Variants in SRCAP observed in about 807,000 individuals in gnomAD.
SRCAP encodes the protein chromatin remodeling protein SRCAP.
In SRCAP, 46 loss-of-function variants were observed where a neutral mutation model predicts 263.1. The observed-to-expected ratio is 0.17, with a 90% confidence interval of 0.14 to 0.22. The LOEUF (loss-of-function observed/expected upper bound fraction) is 0.22, where lower values mean the gene tolerates loss of function less well. Ranked by LOEUF, SRCAP falls within the 10% of genes least tolerant of loss-of-function variation. The pLI, the probability that SRCAP is intolerant of heterozygous loss-of-function variation, is 1.00. For synonymous variants in SRCAP, 1,813 were observed against 1,662.1 expected (o/e 1.09, Z -2.21); for missense variants, 3,695 against 4,181.9 (o/e 0.88, Z 3.21).
chr16:30,705,746 G>A (rs749848205), intron 4 of SRCAP, among the ~76,000 whole-genome samples: 4 of 148,540 alleles, frequency 2.7e-5, no homozygotes, highest in Non-Finnish European at 4.4e-5. Context: ...TCAGTCTTTC[G>A]CTGAGGCTGG....
Position 30,736,342 on chromosome 16 carries a change from A to T in SRCAP, c.6872A>T (p.Glu2291Val). 6.2e-7 allele frequency: 1 copy of T among 1,614,072 alleles called. No homozygotes were observed. Among genetic ancestry groups the T allele is most frequent in the East Asian group, 2.2e-5 (1 of 44,884 alleles). Reference protein sequence around the residue: ...EGEEAGRPGAEDEEMSRAEQE... With the variant: ...EGEEAGRPGAVDEEMSRAEQE... The stretch of plus-strand genomic sequence containing the variant: ...GAGGAAGCTGGCCGGCCTGGGGCTG[A>T]GGATGAGGAGATGTCCCGGGCTGAG... The change falls in exon 32 of 34, where the codon GAG becomes GTG. Residue 2291 changes from glutamate to valine, a missense_variant. Physicochemically the swap from Glu to Val is moderately radical, Grantham distance 121. Coordinates refer to ENST00000262518, the MANE Select transcript of SRCAP (RefSeq NM_006662.3).
Position 30,725,060 on chromosome 16 carries a change from C to T in SRCAP, c.5636C>T (p.Pro1879Leu), listed in dbSNP as rs1370970865. 1 of 1,611,856 alleles carries T rather than the reference C, an allele frequency of 6.2e-7. No individual in the cohort carries two copies. Among genetic ancestry groups the T allele is most frequent in the Non-Finnish European group, 8.5e-7 (1 of 1,178,614 alleles). Residue 1879 changes from proline to leucine, a missense_variant, in exon 25 of 34, where the codon CCA becomes CTA. By Grantham distance (98) the Pro-to-Leu change is moderately conservative. This residue lies in a region of SRCAP where 1,347 missense variants were observed against 1,304.4 expected (regional missense o/e 1.03). Transcript: ENST00000262518. The stretch of plus-strand genomic sequence containing the variant: ...CGGCCTCGACGCCAGCCCCCCCCAC[C>T]ACCTCGTTCCCCTTTTTATCTGGTA... ...GPRPRRQPPPPPRSPFYLDSL... is the reference protein window; with the variant it reads ...GPRPRRQPPPLPRSPFYLDSL...
Position 30,709,667 on chromosome 16 carries a change from C to T in SRCAP, c.788C>T (p.Ser263Phe). Residue 263 changes from serine (S) to phenylalanine (F), a missense_variant, in exon 7 of 34, where the codon TCC (serine) becomes TTC (phenylalanine). This residue lies in a region of SRCAP where 44 missense variants were observed against 42.9 expected (regional missense o/e 1.03). Transcript: ENST00000262518. ...TTAACCTCCAGCAAAGCAGGCTCTT[C>T]CCCTTGCCTCGGCTCTTCCTCAGCT... ...QPLTSSKAGS[S>F]PCLGSSSAAS... 6.2e-7 allele frequency: 1 copy of T among 1,614,190 alleles called. No homozygotes were observed. The highest frequency in any genetic ancestry group is 8.5e-7 in the Non-Finnish European group (1 of 1,180,034).
At chr16:30,714,503 C>T (rs1290986715) in intron 16 of SRCAP, among the ~76,000 whole-genome samples, 4 of 15,562 alleles carry the variant, frequency 2.6e-4, no homozygotes, top group East Asian at 6.9e-3. Context: ...GCCACCGTGC[C>T]GGGCTTTTTT....
In SRCAP at chr16:30,738,746, T is replaced by G; in HGVS notation, c.8706T>G (p.Ile2902Met). Residue 2902 changes from isoleucine (I) to methionine (M), a missense_variant, in exon 34 of 34, where the codon ATT becomes ATG. Ile to Met is a conservative substitution (Grantham distance 10). Transcript: ENST00000262518. ...CAGTCCCTGGGCCTGAGACCCTAAT[T>G]GTTGCAGATCCTGTCCTGGAACCAC... Reference protein sequence around the residue: ...ADPVPGPETLIVADPVLEPQL... With the variant: ...ADPVPGPETLMVADPVLEPQL... 1 of 1,614,034 alleles carries G rather than the reference T, an allele frequency of 6.2e-7. No individual in the cohort carries two copies. The highest frequency in any genetic ancestry group is 8.5e-7 in the Non-Finnish European group (1 of 1,179,982).
Position 30,713,243 on chromosome 16 carries a change from C to A in SRCAP, c.2166C>A (p.Ile722=). The change falls in exon 15 of 34, where the codon ATC becomes ATA. Residue 722 remains isoleucine (I), a synonymous_variant. Transcript: ENST00000262518. ...AGCCCAATGCCTTTCATGTGTGTAT[C>A]ACATCTTACAAGCTGGTGCTGCAGG... is the stretch of plus-strand genomic sequence containing the variant. ...WTKPNAFHVC[I]TSYKLVLQDH... The A allele has an allele frequency of 1.9e-6, 3 of 1,614,098 alleles. No individual in the cohort carries two copies. The highest frequency in any genetic ancestry group is 2.5e-6 in the Non-Finnish European group (3 of 1,180,030).
chr16:30,726,432 A>T (rs1241371004), intron 25 of SRCAP, among the ~76,000 whole-genome samples: 1 of 152,190 alleles, frequency 6.6e-6, no homozygotes, highest in East Asian at 1.9e-4. Context: ...CTGTTTAAGG[A>T]ACTGCCAGAC....
chr16:30,727,693 A>AG (rs1299943145), intron 25 of SRCAP, among the ~76,000 whole-genome samples: 1 of 152,190 alleles, frequency 6.6e-6, no homozygotes, highest in Admixed American at 6.5e-5. Flanking sequence ...CTGGGACTAC[A>AG]GGCTTGCACC....
chr16:30,735,567 C>CTTTTTTT lies in SRCAP; in HGVS notation c.6730-617_6730-611dup, dbSNP rs10663863. Among the ~76,000 whole-genome samples the CTTTTTTT allele has an allele frequency of 1.6e-3, 113 of 69,544 alleles. 3 individuals carry two copies. Among genetic ancestry groups the CTTTTTTT allele is most frequent in the East Asian group, 2.7e-3 (6 of 2,254 alleles). 45.6% of individuals were successfully genotyped at this position (69,544 alleles called of 152,430 possible). On this transcript the variant is annotated intron_variant, in intron 31 of 33. Transcript: ENST00000262518. Reference sequence around the variant, plus strand: ...AAAATAATTGCAGTTTTTGACATTACTTTTTTTTTTTTTTTTTTTTTTGGA... The same window carrying CTTTTTTT: ...AAAATAATTGCAGTTTTTGACATTACTTTTTTTTTTTTTTTTTTTTTTTTTTTTTGGA...
chr16:30,722,965 C>T lies in SRCAP; in HGVS notation c.3895C>T (p.Pro1299Ser), dbSNP rs937587615. 3 of 1,604,310 alleles carry T rather than the reference C, an allele frequency of 1.9e-6. No individual in the cohort carries two copies. The highest frequency in any genetic ancestry group is 4.5e-5 in the East Asian group (2 of 44,594). ...LSLPLAANQV[P>S]PTMVNNTGVV... is the part of the protein sequence containing the mutation. ...CTCAGTGTAGCTTCCTCTTGCAGTG[C>T]CACCAACCATGGTGAATAATACAGG... Residue 1299 changes from proline to serine, a missense_variant and splice_region_variant, in exon 24 of 34, where the codon CCA becomes TCA. Transcript: ENST00000262518.
Position 30,722,956 on chromosome 16 carries a change from C to T in SRCAP, c.3893-7C>T. 6.2e-7 allele frequency: 1 copy of T among 1,602,542 alleles called. No homozygotes were observed. The highest frequency in any genetic ancestry group is 2.2e-5 in the East Asian group (1 of 44,564). ...TACCTTCCTCTCAGTGTAGCTTCCT[C>T]TTGCAGTGCCACCAACCATGGTGAA... On this transcript the variant is annotated splice_region_variant and splice_polypyrimidine_tract_variant and intron_variant, in intron 23 of 33. Coordinates refer to ENST00000262518, the MANE Select transcript of SRCAP (RefSeq NM_006662.3).
Position 30,704,082 on chromosome 16 carries a change from A to G in SRCAP, c.73A>G (p.Thr25Ala). ...TTTCTAGATGGTGTCGGACGGCATG[A>G]CAGGCAGCAATCCTGTGTCCCCTGC... ...LQTQMVSDGM[T>A]GSNPVSPASS... The change falls in exon 4 of 34, where the codon ACA (threonine) becomes GCA (alanine). Residue 25 changes from threonine (T) to alanine (A), a missense_variant. Thr to Ala is a moderately conservative substitution (Grantham distance 58). Around this residue, in one of 12 missense-constraint regions of SRCAP, gnomAD observed 122 missense variants for 116.9 expected, o/e 1.04. Transcript: ENST00000262518. The G allele has an allele frequency of 1.2e-6, 2 of 1,613,434 alleles. No individual in the cohort carries two copies. Among genetic ancestry groups the G allele is most frequent in the South Asian group, 1.1e-5 (1 of 90,994 alleles).
At position 30,720,722 on chromosome 16, in the gene SRCAP, G is replaced by A; in HGVS notation, c.2997G>A (p.Gln999=). The A allele has an allele frequency of 6.2e-7, 1 of 1,603,976 alleles. No homozygotes were observed. Among genetic ancestry groups the A allele is most frequent in the South Asian group, 1.1e-5 (1 of 90,204 alleles). The change falls in exon 20 of 34, where the codon CAG becomes CAA. Residue 999 remains glutamine, a synonymous_variant. Transcript: ENST00000262518. ...PVKMKVNRML[Q]PVPKQEGRTV... Reference sequence around the variant, plus strand: ...TAATTTTTTCTCACAGGATGCTGCAGCCAGTACCTAAGCAAGAAGGCCGGA... The same window carrying A: ...TAATTTTTTCTCACAGGATGCTGCAACCAGTACCTAAGCAAGAAGGCCGGA...
chr16:30,732,201 C>T (rs9928572), intron 27 of SRCAP, among the ~76,000 whole-genome samples: 85,198 of 151,736 alleles, frequency 0.56, 29,417 homozygotes, highest in East Asian at 0.89. Context: ...CCTGTAATCC[C>T]AGCACTTTGG....
chr16:30,720,039 T>C, intron 18 of SRCAP, 123 bp from the exon 19 acceptor site: 1 of 1,007,606 alleles, frequency 9.9e-7, no homozygotes, highest in Non-Finnish European at 1.5e-6. Context: ...AGTGAGTACA[T>C]GTGGTATTTG....
rs148423555 is a variant in SRCAP, at chr16:30,739,376, A to T, written c.9336A>T (p.Ser3112=). ...GGLELTPPVV[S]LTPKLRSTRL... is the part of the protein sequence containing the mutation. ...TGGAATTGACACCACCTGTGGTCTCACTAACCCCAAAACTGCGCTCGACCC... is the reference window on the plus strand; with the variant it reads ...TGGAATTGACACCACCTGTGGTCTCTCTAACCCCAAAACTGCGCTCGACCC... Residue 3112 remains serine (S), a synonymous_variant, in exon 34 of 34, where the codon TCA becomes TCT. Transcript: ENST00000262518. The T allele has an allele frequency of 2.5e-6, 4 of 1,614,208 alleles. No homozygotes were observed. The highest frequency in any genetic ancestry group is 2.2e-5 in the South Asian group (2 of 91,088).
chr16:30,736,982 G>C (rs2053166375), intron 33 of SRCAP, 67 bp from the exon 34 acceptor site: 11 of 1,501,480 alleles, frequency 7.3e-6, no homozygotes, highest in Non-Finnish European at 1.8e-6. Context: ...CCTGGAAGCT[G>C]CTAATTTCTA....
rs2052900619 is a variant in SRCAP at position 30,712,296 on chromosome 16, A to G, written c.1850A>G (p.Gln617Arg). The G allele has an allele frequency of 3.1e-6, 5 of 1,602,918 alleles. No homozygotes were observed. Among genetic ancestry groups the G allele is most frequent in the Non-Finnish European group, 4.3e-6 (5 of 1,175,240 alleles). ...KTPIPLLLRG[Q>R]LREYQHIGLD... ...CCCATTCCCCTGCTTCTGCGGGGCC[A>G]GCTCCGGGAGTACCAGCACATTGGG... is the stretch of plus-strand genomic sequence containing the variant. Residue 617 changes from glutamine (Q) to arginine (R), a missense_variant, in exon 13 of 34, where the codon CAG becomes CGG. By Grantham distance (43) the Gln-to-Arg change is conservative. Around this residue, in one of 12 missense-constraint regions of SRCAP, gnomAD observed 121 missense variants for 330.7 expected, o/e 0.37. Transcript: ENST00000262518.
chr16:30,714,639 TACAGGTC>T (rs1385398426), intron 16 of SRCAP, among the ~76,000 whole-genome samples: 3 of 151,818 alleles, frequency 2.0e-5, no homozygotes, highest in Non-Finnish European at 4.4e-5. Flanking sequence ...TAGCTGGGGT[TACAGGTC>T]TGCACTACGA....
Sources: allele counts gnomAD v4.1 joint callset (sites outside exome capture counted in the v4.1 genomes callset), GRCh38; gene constraint gnomAD v4.1.1; regional missense constraint gnomAD v4.1.1; transcripts MANE v1.5; gene names NCBI Gene and HGNC (gene_info 2026-07-23, HGNC 2026-07-21).